Variants in BTBD3 observed in about 807,000 individuals in gnomAD.
The protein encoded by BTBD3 is BTB/POZ domain-containing protein 3.
Under a neutral mutation model 41.6 loss-of-function variants are expected in BTBD3, and 14 were observed. The observed-to-expected ratio is 0.34, with a 90% CI of 0.22 to 0.53. BTBD3 has a LOEUF of 0.53. BTBD3 is among the 20% of genes least tolerant of loss of function. BTBD3 has a pLI of 0.95. For missense variants in BTBD3, 426 were observed against 654.7 expected (o/e 0.65, Z 3.81); for synonymous variants, 249 against 233.7 (o/e 1.07, Z -0.60).
At chr20:11,912,449 T>C (rs531409543) in intron 1 of BTBD3, among the ~76,000 whole-genome samples, 2 of 152,308 alleles carry the variant, frequency 1.3e-5, no homozygotes, top group South Asian at 4.1e-4. Context: ...AAATCTTGCT[T>C]ATTATTGAAC....
In BTBD3 at chr20:11,923,108, C is replaced by T. The variant is rs368296751; in HGVS notation, c.1011C>T (p.Ser337=). Residue 337 remains serine (S), a synonymous_variant, in exon 4 of 4, where the codon TCC becomes TCT. Transcript: ENST00000378226. This position sits in a 1 kb window ranked among gnomAD's most constrained non-coding sequence, Gnocchi z 5.3. The part of the protein sequence containing the change: ...LDDFANGAAQ[S]GVLTLNETND... ...ATTTTGCAAATGGTGCTGCACAGTC[C>T]GGGGTATTAACTCTCAATGAGACCA... The T allele has an allele frequency of 2.7e-5, 43 of 1,613,916 alleles. 1 individual carries two copies. The highest frequency in any genetic ancestry group is 4.5e-5 in the East Asian group (2 of 44,890).
chr20:11,914,061 A>G (rs1369701752), upstream of BTBD3, among the ~76,000 whole-genome samples: 9 of 152,298 alleles, frequency 5.9e-5, no homozygotes, highest in East Asian at 7.7e-4. Flanking sequence ...TTCTTGGCCT[A>G]TTTACCTCAT....
intron 1 of BTBD3, among the ~76,000 whole-genome samples, chr20:11,897,687 C>G (rs2056796180): frequency 6.6e-6 from 1 of 152,110 alleles, no homozygotes; most frequent in African/African-American, 2.4e-5. Context: ...ATTGCCGTGG[C>G]CCATGGCCTC....
rs2056999937 is a variant in BTBD3 at position 11,924,335 on chromosome 20, T to G, written c.*669T>G. 1 of 152,212 alleles carries G rather than the reference T, an allele frequency of 6.6e-6. No homozygotes were observed. Among genetic ancestry groups the G allele is most frequent in the South Asian group, 2.1e-4 (1 of 4,836 alleles). 9.4% of individuals were successfully genotyped at this position (152,212 alleles called of 1,614,324 possible). ...GACTTCTACAAGCAGATTTCTTTTC[T>G]TTTAGTTTAGAAGACAAAAAATTTC... On this transcript the variant is annotated 3_prime_UTR_variant, in exon 4 of 4. Transcript: ENST00000378226.
intron 1 of BTBD3, among the ~76,000 whole-genome samples, chr20:11,904,240 T>C (rs561854749): frequency 6.6e-6 from 1 of 152,152 alleles, no homozygotes; most frequent in East Asian, 1.9e-4. Context: ...TCAGGAAACA[T>C]AGAATCATGG....
rs547904284 is a variant in BTBD3 at position 11,925,446 on chromosome 20, A to G, written c.*1780A>G. On this transcript the variant is annotated 3_prime_UTR_variant, in exon 4 of 4. Transcript: ENST00000378226. The stretch of plus-strand genomic sequence containing the variant: ...AACACTGGATTATTGGAAATGTTTT[A>G]ATCACTCTTGCCATTACCTACATCT... 2 of 152,748 alleles carry G rather than the reference A, an allele frequency of 1.3e-5. No individual in the cohort carries two copies. The highest frequency in any genetic ancestry group is 4.8e-5 in the African/African-American group (2 of 41,554). The allele number at this position is 152,748 out of a possible 1,614,324, so 9.5% of individuals were successfully genotyped here.
intron 1 of BTBD3, among the ~76,000 whole-genome samples, chr20:11,901,231 C>T (rs765903273): frequency 6.6e-6 from 1 of 152,198 alleles, no homozygotes; most frequent in Non-Finnish European, 1.5e-5. Context: ...TTGCACAGCA[C>T]CTCCCCGCTC....
chr20:11,919,348 T>C, intron 2 of BTBD3, 172 bp downstream of exon 2: 1 of 1,411,622 alleles, frequency 7.1e-7, no homozygotes, highest in Non-Finnish European at 9.2e-7. Flanking sequence ...TAATTTTTTC[T>C]TTGTTTCCTT....
chr20:11,918,762 C>T (rs796669277), intron 1 of BTBD3, 161 bp downstream of exon 1: 27 of 764,594 alleles, frequency 3.5e-5, no homozygotes, highest in African/African-American at 1.8e-4. Flanking sequence ...CAAAACAGTA[C>T]AGCTGTTTTC....
Position 11,923,940 on chromosome 20 carries a change from C to A in BTBD3, c.*274C>A. Reference sequence around the variant, plus strand: ...GAACCTGGGGAGATTATGTGCTTTCCCAAGCGTTCCACCACCCTCTCAGTT... The same window carrying A: ...GAACCTGGGGAGATTATGTGCTTTCACAAGCGTTCCACCACCCTCTCAGTT... On this transcript the variant is annotated 3_prime_UTR_variant, in exon 4 of 4. Coordinates refer to ENST00000378226, the MANE Select transcript of BTBD3 (RefSeq NM_014962.4). This position sits in a 1 kb window ranked among gnomAD's most constrained non-coding sequence, Gnocchi z 5.3. 1.5e-5 allele frequency: 5 copies of A among 327,502 alleles called. No homozygotes were observed. The highest frequency in any genetic ancestry group is 2.8e-5 in the Non-Finnish European group (5 of 180,058). The allele number at this position is 327,502 out of a possible 1,614,324, so 20.3% of individuals were successfully genotyped here. A position where few individuals can be genotyped will look rare whatever the true frequency, so the allele number is the denominator to read the frequency against.
chr20:11,899,528 A>G (rs995299600), intron 1 of BTBD3, among the ~76,000 whole-genome samples: 11 of 152,132 alleles, frequency 7.2e-5, no homozygotes, highest in African/African-American at 2.7e-4. Context: ...TCAGACCCTT[A>G]AAGTATTTGC....
rs895758561 is a variant in BTBD3 at position 11,926,473 on chromosome 20, C to T, written c.*2807C>T. 5.2e-5 allele frequency: 8 copies of T among 152,562 alleles called. No individual in the cohort carries two copies. The allele number at this position is 152,562 out of a possible 1,614,324, so 9.5% of individuals were successfully genotyped here. A position where few individuals can be genotyped will look rare whatever the true frequency, so the allele number is the denominator to read the frequency against. On this transcript the variant is annotated 3_prime_UTR_variant, in exon 4 of 4. Coordinates refer to ENST00000378226, the MANE Select transcript of BTBD3 (RefSeq NM_014962.4). Reference sequence around the variant, plus strand: ...AGCATTATTTATGAAGGAAAAAATACATAAATATGAAGTACCTCATGTTGA... The same window carrying T: ...AGCATTATTTATGAAGGAAAAAATATATAAATATGAAGTACCTCATGTTGA...
chr20:11,903,107 A>G (rs2056833503), intron 1 of BTBD3, among the ~76,000 whole-genome samples: 1 of 152,178 alleles, frequency 6.6e-6, no homozygotes, highest in Non-Finnish European at 1.5e-5. Flanking sequence ...GGACTTTTAC[A>G]AAGTCCTAAC....
chr20:11,902,463 T>G (rs2056829733), intron 1 of BTBD3, among the ~76,000 whole-genome samples: 1 of 152,170 alleles, frequency 6.6e-6, no homozygotes, highest in Admixed American at 6.5e-5. Context: ...TTTGTATGGG[T>G]CTCATGATGT....
In BTBD3 at chr20:11,923,514, C is replaced by T. The variant is rs1478415036; in HGVS notation, c.1417C>T (p.Leu473=). 1.9e-6 allele frequency: 3 copies of T among 1,614,080 alleles called. No individual in the cohort carries two copies. The highest frequency in any genetic ancestry group is 2.5e-6 in the Non-Finnish European group (3 of 1,180,040). The stretch of plus-strand genomic sequence containing the variant: ...CACCTTCTACACAGCCAGTGTGATA[C>T]TGGATGGCAATGAACTCAGCTACTT... ...PDTFYTASVI[L]DGNELSYFGQ... Residue 473 remains leucine (L), a synonymous_variant, in exon 4 of 4, where the codon CTG becomes TTG. Coordinates refer to ENST00000378226, the MANE Select transcript of BTBD3 (RefSeq NM_014962.4). This position sits in a 1 kb window ranked among gnomAD's most constrained non-coding sequence, Gnocchi z 5.3.
rs758795057 is a variant in BTBD3 at position 11,922,772 on chromosome 20, C to T, written c.675C>T (p.Ala225=). The T allele has an allele frequency of 8.1e-6, 13 of 1,614,088 alleles. No individual in the cohort carries two copies. The South Asian group carries it at 1.1e-4, about 14-fold the overall frequency. The part of the protein sequence containing the change: ...FLETSLSAKN[A]CVLLSQSCLF... ...AGACCAGCCTGAGTGCCAAGAATGC[C>T]TGTGTGCTCCTCTCCCAGAGCTGCC... Residue 225 remains alanine, a synonymous_variant, in exon 4 of 4, where the codon GCC becomes GCT. Transcript: ENST00000378226.
At chr20:11,916,548 A>G (rs1397025133), upstream of BTBD3, among the ~76,000 whole-genome samples, 1 of 152,220 alleles carries the variant, frequency 6.6e-6, no homozygotes, top group East Asian at 1.9e-4. Flanking sequence ...AAATGGTTTT[A>G]AGAATAATAA....
intron 1 of BTBD3, 197 bp from the exon 2 acceptor site, chr20:11,918,889 T>G (rs2056941450): frequency 1.7e-6 from 1 of 576,438 alleles, no homozygotes. Flanking sequence ...TTGTATAACT[T>G]TTATTTTAAA....
rs2122345627 is a variant in BTBD3 at position 11,923,969 on chromosome 20, T to C, written c.*303T>C. ...GCGTTCCACCACCCTCTCAGTTTTG[T>C]CCCTCTGAAGATAATTTTGGATCAC... On this transcript the variant is annotated 3_prime_UTR_variant, in exon 4 of 4. Coordinates refer to ENST00000378226, the MANE Select transcript of BTBD3 (RefSeq NM_014962.4). This position sits in a 1 kb window ranked among gnomAD's most constrained non-coding sequence, Gnocchi z 5.3. 3.7e-6 allele frequency: 1 copy of C among 268,936 alleles called. No individual in the cohort carries two copies. Among genetic ancestry groups the C allele is most frequent in the Admixed American group, 4.8e-5 (1 of 21,022 alleles). The allele number at this position is 268,936 out of a possible 1,614,324, so 16.7% of individuals were successfully genotyped here. A position where few individuals can be genotyped will look rare whatever the true frequency, so the allele number is the denominator to read the frequency against.
Sources: gnomAD v4.1 joint callset for allele counts (sites outside exome capture counted in the v4.1 genomes callset) on GRCh38, gnomAD v4.1.1 for gene constraint, Gnocchi (gnomAD v3.1) non-coding constraint, MANE v1.5 for transcripts, NCBI Gene and HGNC (gene_info 2026-07-23, HGNC 2026-07-21) for gene names.